LRRC17: variants seen among roughly 807,000 people sequenced by gnomAD.
The protein encoded by LRRC17 is leucine rich repeat containing 17, also known as leucine-rich repeat-containing protein 17.
LRRC17 carries 33 observed loss-of-function variants against 41.5 expected under a neutral mutation model. That is an observed-to-expected ratio of 0.80 (90% CI 0.60 to 1.06). LRRC17 has a LOEUF of 1.06. LRRC17 is among the 50% of genes least tolerant of loss of function. LRRC17 has a pLI of 0.00. For missense variants in LRRC17, 491 were observed against 519.3 expected, an observed-to-expected ratio of 0.95 and a Z score of 0.53; for synonymous variants, 192 against 197.0, an observed-to-expected ratio of 0.97 and a Z score of 0.21.
chr7:102,926,363 C>A, intron 1 of LRRC17: 1 of 1,613,094 alleles, frequency 6.2e-7, no homozygotes, highest in Non-Finnish European at 8.5e-7. Flanking sequence ...AAATGTGTCT[C>A]ATTGATTCAT....
At chr7:102,939,715 A>G in intron 3 of LRRC17, 130 bp downstream of exon 3, 1 of 835,406 alleles carries the variant, frequency 1.2e-6, no homozygotes, top group Non-Finnish European at 1.8e-6. Flanking sequence ...AGTTTTAATT[A>G]AACATGACAC....
At chr7:102,940,359 G>T (rs902651614) in intron 3 of LRRC17, among the ~76,000 whole-genome samples, 3 of 151,586 alleles carry the variant, frequency 2.0e-5, no homozygotes, top group Non-Finnish European at 1.5e-5. Flanking sequence ...ACAGGCACCC[G>T]CCACCACGCC....
chr7:102,940,045 C>A (rs1404440643), intron 3 of LRRC17, among the ~76,000 whole-genome samples: 1 of 151,702 alleles, frequency 6.6e-6, no homozygotes, highest in African/African-American at 2.4e-5. Context: ...TGGGCATGTG[C>A]CACCAGGCCT....
intron 1 of LRRC17, among the ~76,000 whole-genome samples, chr7:102,920,929 G>A (rs1390525953): frequency 5.3e-5 from 8 of 152,066 alleles, no homozygotes; most frequent in Non-Finnish European, 8.8e-5. Flanking sequence ...CGAGGTGGGC[G>A]GATCACGAGG....
intron 3 of LRRC17, among the ~76,000 whole-genome samples, chr7:102,942,612 G>GTGAGA (rs1388736869): frequency 6.6e-6 from 1 of 152,142 alleles, no homozygotes; most frequent in Non-Finnish European, 1.5e-5. Context: ...AAGTAAATCT[G>GTGAGA]TGAGATCACT....
chr7:102,929,342 C>T (rs111331002), intron 1 of LRRC17, among the ~76,000 whole-genome samples: 26 of 152,122 alleles, frequency 1.7e-4, no homozygotes, highest in African/African-American at 6.3e-4. Flanking sequence ...AGTACTGAGA[C>T]CATATGTAGC....
chr7:102,941,118 A>G (rs1385404791), intron 3 of LRRC17, among the ~76,000 whole-genome samples: 1 of 152,250 alleles, frequency 6.6e-6, no homozygotes, highest in Non-Finnish European at 1.5e-5. Flanking sequence ...GGACAGCAGT[A>G]TGCTACACTT....
chr7:102,941,732 G>A (rs1177803056), intron 3 of LRRC17, among the ~76,000 whole-genome samples: 4 of 148,464 alleles, frequency 2.7e-5, no homozygotes, highest in South Asian at 4.3e-4. Flanking sequence ...ATGCAAACAA[G>A]TTTTAAAGCT....
At chr7:102,937,209 C>G (rs879480289) in intron 2 of LRRC17, among the ~76,000 whole-genome samples, 5 of 151,884 alleles carry the variant, frequency 3.3e-5, no homozygotes, top group Admixed American at 2.0e-4. Flanking sequence ...GATTATAAGA[C>G]GAAGGGTAGG....
rs555617472 is a variant in LRRC17, at chr7:102,921,941, A to G, written c.-141+8796A>G. Among the ~76,000 whole-genome samples, 37 of 152,272 alleles carry G rather than the reference A, an allele frequency of 2.4e-4. No individual in the cohort carries two copies. The South Asian group carries it at 7.0e-3, about 29-fold the overall frequency. On this transcript the variant is annotated intron_variant, in intron 1 of 3. Coordinates refer to ENST00000339431, the MANE Select transcript of LRRC17 (RefSeq NM_001031692.3). ...CATGGTGGCTCACGCCTGTAATCCC[A>G]GCACTTTGGGAGGCCAAGGTGGGTG... is the stretch of plus-strand genomic sequence containing the variant.
At position 102,934,285 on chromosome 7, in the gene LRRC17, G is replaced by A. The variant is rs767789939; in HGVS notation, c.372G>A (p.Ala124=). 25 of 1,613,950 alleles carry A rather than the reference G, an allele frequency of 1.5e-5. No individual in the cohort carries two copies. In the Admixed American group the frequency reaches 1.8e-4, roughly 12 times the overall value. Reference sequence around the variant, plus strand: ...AGATCTCTAAAATTGAGAGTGAGGCGTTCTTTGGTTTAAACAAACTCACCA... The same window carrying A: ...AGATCTCTAAAATTGAGAGTGAGGCATTCTTTGGTTTAAACAAACTCACCA... ...QNEISKIESE[A]FFGLNKLTTL... is the part of the protein sequence containing the mutation. Residue 124 remains alanine, a synonymous_variant, in exon 2 of 4, where the codon GCG becomes GCA. Coordinates refer to ENST00000339431, the MANE Select transcript of LRRC17 (RefSeq NM_001031692.3).
In LRRC17 at chr7:102,934,085, A is replaced by C. The variant is rs1338582261; in HGVS notation, c.172A>C (p.Thr58Pro). ...YAPGLPCDVY[T>P]YLHEKYLDCQ... Reference sequence around the variant, plus strand: ...ACCAGGCCTCCCGTGTGACGTGTACACATATCTCCATGAGAAATACTTAGA... The same window carrying C: ...ACCAGGCCTCCCGTGTGACGTGTACCCATATCTCCATGAGAAATACTTAGA... Residue 58 changes from threonine (T) to proline (P), a missense_variant, in exon 2 of 4, where the codon ACA becomes CCA. Coordinates refer to ENST00000339431, the MANE Select transcript of LRRC17 (RefSeq NM_001031692.3). 2 of 1,614,218 alleles carry C rather than the reference A, an allele frequency of 1.2e-6. No individual in the cohort carries two copies.
rs866532038 is a variant in LRRC17 at position 102,933,965 on chromosome 7, C to A, written c.52C>A (p.Leu18Met). ...ILLCFCKAAE[L>M]RKASPGSVRS... ...GCTCTGCTTTTGCAAAGCGGCTGAG[C>A]TGCGCAAAGCAAGCCCAGGCAGTGT... is the stretch of plus-strand genomic sequence containing the variant. Residue 18 changes from leucine to methionine, a missense_variant, in exon 2 of 4, where the codon CTG becomes ATG. Transcript: ENST00000339431. 6.2e-7 allele frequency: 1 copy of A among 1,613,888 alleles called. No homozygotes were observed. Among genetic ancestry groups the A allele is most frequent in the Non-Finnish European group, 8.5e-7 (1 of 1,179,868 alleles).
At chr7:102,940,183 C>A (rs180812229) in intron 3 of LRRC17, among the ~76,000 whole-genome samples, 76 of 150,928 alleles carry the variant, frequency 5.0e-4, no homozygotes, top group Non-Finnish European at 1.0e-3. Context: ...CATGAGCCAC[C>A]GCGCCTGGCC....
chr7:102,918,219 A>C (rs1816295341), intron 1 of LRRC17, among the ~76,000 whole-genome samples: 1 of 152,246 alleles, frequency 6.6e-6, no homozygotes, highest in South Asian at 2.1e-4. Context: ...ATGTATTTTT[A>C]TCATAGATAA....
chr7:102,913,289 A>C, intron 1 of LRRC17, 144 bp downstream of exon 1: 1 of 1,569,860 alleles, frequency 6.4e-7, no homozygotes, highest in South Asian at 1.2e-5. Flanking sequence ...AGCCACTATG[A>C]CAAAGAAAAC....
At chr7:102,925,738 T>A (rs1438049582) in intron 1 of LRRC17, among the ~76,000 whole-genome samples, 2 of 152,016 alleles carry the variant, frequency 1.3e-5, no homozygotes, top group Non-Finnish European at 2.9e-5. Flanking sequence ...AGTCAGGAGT[T>A]TGAGACCAGC....
Position 102,945,032 on chromosome 7 carries a change from C to T in LRRC17, c.*425C>T, listed in dbSNP as rs1332086908. 1 of 153,738 alleles carries T rather than the reference C, an allele frequency of 6.5e-6. No homozygotes were observed. Among genetic ancestry groups the T allele is most frequent in the Non-Finnish European group, 1.4e-5 (1 of 69,228 alleles). The allele number at this position is 153,738 out of a possible 1,614,324, so 9.5% of individuals were successfully genotyped here. ...AATGCTGTTATAATAAAATGTCATT[C>T]CCTACCCCTCTACTTTTTTTCAGTA... On this transcript the variant is annotated 3_prime_UTR_variant, in exon 4 of 4. Coordinates refer to ENST00000339431, the MANE Select transcript of LRRC17 (RefSeq NM_001031692.3).
At position 102,930,101 on chromosome 7, in the gene LRRC17, G is replaced by T. The variant is rs568935998; in HGVS notation, c.-140-3673G>T. Among the ~76,000 whole-genome samples the T allele has an allele frequency of 2.6e-5, 4 of 152,250 alleles. No individual in the cohort carries two copies. The South Asian group carries it at 8.3e-4, about 32-fold the overall frequency. ...AAGACACAATGAAATAGCATGACATGAACAGGGAACTTCAAGTGGTTCAGT... is the reference window on the plus strand; with the variant it reads ...AAGACACAATGAAATAGCATGACATTAACAGGGAACTTCAAGTGGTTCAGT... On this transcript the variant is annotated intron_variant, in intron 1 of 3. Transcript: ENST00000339431.
Sources: gnomAD v4.1 joint callset for allele counts (sites outside exome capture counted in the v4.1 genomes callset) on GRCh38, gnomAD v4.1.1 for gene constraint, MANE v1.5 for transcripts, NCBI Gene and HGNC (gene_info 2026-07-23, HGNC 2026-07-21) for gene names.